Variants in SIPA1L3 observed in about 807,000 individuals in gnomAD.
SIPA1L3 encodes signal-induced proliferation-associated 1-like protein 3.
A neutral mutation model predicts 150.1 loss-of-function variants in SIPA1L3; 59 were observed. The observed-to-expected ratio is 0.39, with a 90% CI of 0.32 to 0.49. The LOEUF is 0.49. Among genes scored for constraint, SIPA1L3 ranks in the 20% least tolerant of loss-of-function variants. The probability of loss-of-function intolerance (pLI) is 0.86; values close to 1 mark genes in which losing one functional copy is unlikely to be tolerated. For missense variants in SIPA1L3, 2,211 were observed against 2,489.5 expected (o/e 0.89, Z 2.38); for synonymous variants, 1,070 against 1,077.6 (o/e 0.99, Z 0.14).
At chr19:37,956,558 ACTG>A (rs2046813719) in intron 1 of SIPA1L3, among the ~76,000 whole-genome samples, 1 of 141,664 alleles carries the variant, frequency 7.1e-6, no homozygotes, top group Non-Finnish European at 1.5e-5. Flanking sequence ...ATCTCGGCTC[ACTG>A]CAATCTCTGC....
intron 1 of SIPA1L3, among the ~76,000 whole-genome samples, chr19:37,921,048 C>T (rs1267518462): frequency 1.3e-5 from 2 of 152,202 alleles, no homozygotes; most frequent in Non-Finnish European, 2.9e-5. Context: ...TGTTGAGGCC[C>T]CACACGAACC....
At chr19:38,024,112 A>G (rs111350929) in intron 1 of SIPA1L3, among the ~76,000 whole-genome samples, 19 of 152,048 alleles carry the variant, frequency 1.2e-4, no homozygotes, top group African/African-American at 4.1e-4. Flanking sequence ...TGGGGTAGAA[A>G]ATCCTGGCCC....
intron 6 of SIPA1L3, 42 bp downstream of exon 6, chr19:38,101,268 A>T: frequency 7.3e-7 from 1 of 1,371,602 alleles, no homozygotes; most frequent in East Asian, 2.7e-5. Context: ...CCACCACTGC[A>T]CTCCTACTCA....
At chr19:38,029,611 G>A (rs561073912) in intron 2 of SIPA1L3, among the ~76,000 whole-genome samples, 1 of 151,916 alleles carries the variant, frequency 6.6e-6, no homozygotes, top group Non-Finnish European at 1.5e-5. Context: ...TCTTTGTTTT[G>A]TTTTGAGATG....
chr19:37,927,522 G>A (rs1185690808), intron 1 of SIPA1L3, among the ~76,000 whole-genome samples: 2 of 21,932 alleles, frequency 9.1e-5, no homozygotes, highest in Non-Finnish European at 2.3e-4. Context: ...TCTGTTGTTC[G>A]TGTGTGTGTG....
intron 1 of SIPA1L3, among the ~76,000 whole-genome samples, chr19:37,948,846 G>A (rs527985944): frequency 6.6e-6 from 1 of 152,190 alleles, no homozygotes; most frequent in African/African-American, 2.4e-5. Context: ...TTGAGTCAAG[G>A]CCTGAAAGAT....
intron 1 of SIPA1L3, among the ~76,000 whole-genome samples, chr19:37,923,920 T>C (rs1199701042): frequency 6.6e-6 from 1 of 151,878 alleles, no homozygotes; most frequent in Non-Finnish European, 1.5e-5. Context: ...CCAACTGTAA[T>C]CTAGTTTGTT....
intron 1 of SIPA1L3, among the ~76,000 whole-genome samples, chr19:38,021,141 G>A (rs1968364069): frequency 6.6e-6 from 1 of 152,178 alleles, no homozygotes. Context: ...GTCCATGTTG[G>A]TGGCTCTCTG....
chr19:38,032,712 A>G (rs1440437399), intron 2 of SIPA1L3, among the ~76,000 whole-genome samples: 2 of 151,826 alleles, frequency 1.3e-5, no homozygotes, highest in East Asian at 1.9e-4. Context: ...AAATTAGCCA[A>G]CCGTGGTGGC....
intron 13 of SIPA1L3, among the ~76,000 whole-genome samples, chr19:38,161,240 G>A (rs1972077299): frequency 6.6e-6 from 1 of 151,038 alleles, no homozygotes; most frequent in Admixed American, 6.6e-5. Context: ...TACTCAGGAG[G>A]CTGAGGCAGG....
chr19:38,099,278 C>T (rs188103137), intron 4 of SIPA1L3, among the ~76,000 whole-genome samples: 279 of 151,032 alleles, frequency 1.8e-3, no homozygotes, highest in Non-Finnish European at 1.1e-3. Flanking sequence ...TCAAGTGATC[C>T]GCCCACCTTG....
chr19:38,192,003 T>C (rs2146043657), intron 16 of SIPA1L3, 142 bp from the exon 17 acceptor site: 5 of 704,226 alleles, frequency 7.1e-6, no homozygotes, highest in East Asian at 2.9e-5. Flanking sequence ...GCCAAGCCCC[T>C]CTCTGCCACG....
chr19:38,045,473 A>G (rs967794499), intron 2 of SIPA1L3, among the ~76,000 whole-genome samples: 10 of 151,818 alleles, frequency 6.6e-5, no homozygotes, highest in Admixed American at 3.3e-4. Flanking sequence ...TCGAGAGGCT[A>G]AGGTGGGAGG....
chr19:38,130,666 G>A lies in SIPA1L3; in HGVS notation c.3037G>A (p.Val1013Met), dbSNP rs1479876773. 6.2e-7 allele frequency: 1 copy of A among 1,613,968 alleles called. No individual in the cohort carries two copies. Among genetic ancestry groups the A allele is most frequent in the South Asian group, 1.1e-5 (1 of 91,092 alleles). Residue 1013 changes from valine (V) to methionine (M), a missense_variant, in exon 10 of 22, where the codon GTG (valine) becomes ATG (methionine). Physicochemically the swap from Val to Met is conservative, Grantham distance 21. Transcript: ENST00000222345. ...CAGCCGACTAGTGGAGATCTGCAAG[G>A]TGGCCGTGGTCACACTGACCCACGA... ...QGSRLVEICK[V>M]AVVTLTHDQM...
chr19:37,941,401 C>T (rs1395912113), intron 1 of SIPA1L3, among the ~76,000 whole-genome samples: 1 of 150,518 alleles, frequency 6.6e-6, no homozygotes, highest in Non-Finnish European at 1.5e-5. Flanking sequence ...TTTTGTTTGC[C>T]TTAGAAATGA....
At chr19:38,083,244 T>A (rs886780374) in intron 3 of SIPA1L3, 145 bp downstream of exon 3, 95 of 885,424 alleles carry the variant, frequency 1.1e-4, no homozygotes, top group Non-Finnish European at 1.5e-4. Context: ...TGGAGGGCTG[T>A]GAGGATCCGG....
In SIPA1L3 at chr19:38,197,377, C is replaced by T. The variant is rs566206238; in HGVS notation, c.4841-1012C>T. Among the ~76,000 whole-genome samples, 12 of 152,166 alleles carry T rather than the reference C, an allele frequency of 7.9e-5. No individual in the cohort carries two copies. The South Asian group carries it at 1.0e-3, about 13-fold the overall frequency. On this transcript the variant is annotated intron_variant, in intron 18 of 21. Coordinates refer to ENST00000222345, the MANE Select transcript of SIPA1L3 (RefSeq NM_015073.3). ...TGGTGCCTGGGACTCTCTCAATAGC[C>T]GCAGCAGGTGCGAGTGCAGTGCTGG...
intron 13 of SIPA1L3, among the ~76,000 whole-genome samples, chr19:38,160,551 A>G (rs904720265): frequency 2.6e-5 from 4 of 151,404 alleles, no homozygotes; most frequent in Non-Finnish European, 4.4e-5. Flanking sequence ...ACAGGCGTGC[A>G]CCACCACACC....
At chr19:37,935,573 T>C (rs948316879) in intron 1 of SIPA1L3, among the ~76,000 whole-genome samples, 1 of 152,162 alleles carries the variant, frequency 6.6e-6, no homozygotes, top group Admixed American at 6.5e-5. Context: ...CTTCTGCTGG[T>C]CTTGCTTGGG....
Sources: allele counts gnomAD v4.1 joint callset (sites outside exome capture counted in the v4.1 genomes callset), GRCh38; gene constraint gnomAD v4.1.1; transcripts MANE v1.5; gene names NCBI Gene and HGNC (gene_info 2026-07-23, HGNC 2026-07-21).